Variants in CDH11 observed in about 807,000 individuals in gnomAD.
The protein encoded by CDH11 is cadherin 11, also known as cadherin-11.
A neutral mutation model predicts 67.8 loss-of-function variants in CDH11; 11 were observed. That is an observed-to-expected ratio of 0.16 (90% CI 0.10 to 0.27). The LOEUF is 0.27. Among genes scored for constraint, CDH11 ranks in the 10% least tolerant of loss-of-function variants. The probability of loss-of-function intolerance (pLI) is 1.00; values close to 1 mark genes in which losing one functional copy is unlikely to be tolerated. For missense variants in CDH11, 847 were observed against 1,031.2 expected (o/e 0.82, Z 2.45); for synonymous variants, 419 against 400.0 (o/e 1.05, Z -0.57).
chr16:65,040,268 T>C (rs573209074), intron 2 of CDH11, among the ~76,000 whole-genome samples: 2 of 152,300 alleles, frequency 1.3e-5, no homozygotes, highest in African/African-American at 2.4e-5. Context: ...ATGTTTATTG[T>C]GGCACTATTC....
intron 2 of CDH11, among the ~76,000 whole-genome samples, chr16:65,043,404 C>A (rs929340085): frequency 1.3e-5 from 2 of 152,066 alleles, no homozygotes; most frequent in African/African-American, 4.8e-5. Context: ...GAAGGGGAAT[C>A]AGAAACAAAC....
intron 4 of CDH11, 29 bp from the exon 5 acceptor site, chr16:64,993,063 C>T (rs1401721377): frequency 4.4e-6 from 7 of 1,583,546 alleles, no homozygotes; most frequent in African/African-American, 2.7e-5. Context: ...TAATTAGCAA[C>T]ATCTCCTCAG....
intron 2 of CDH11, among the ~76,000 whole-genome samples, chr16:65,042,731 C>G (rs1354722931): frequency 6.6e-6 from 1 of 152,168 alleles, no homozygotes; most frequent in Admixed American, 6.5e-5. Context: ...AAATCTTGAC[C>G]TGTCTTCCCT....
intron 1 of CDH11, among the ~76,000 whole-genome samples, chr16:65,114,931 T>A (rs569301625): frequency 1.3e-5 from 2 of 152,198 alleles, no homozygotes; most frequent in Admixed American, 6.5e-5. Flanking sequence ...TATTTATGAG[T>A]TAAAACTGTC....
intron 1 of CDH11, among the ~76,000 whole-genome samples, chr16:65,074,243 G>A (rs1324578341): frequency 6.6e-6 from 1 of 152,082 alleles, no homozygotes; most frequent in African/African-American, 2.4e-5. Context: ...CTCCAAAGGG[G>A]ACACATTGCT....
At chr16:65,012,127 C>T (rs2073196192) in intron 2 of CDH11, among the ~76,000 whole-genome samples, 1 of 152,174 alleles carries the variant, frequency 6.6e-6, no homozygotes. Flanking sequence ...ACAGATAGGA[C>T]TATGTACAAG....
chr16:65,060,338 CATAT>C (rs56797143), intron 1 of CDH11, among the ~76,000 whole-genome samples: 27 of 145,014 alleles, frequency 1.9e-4, no homozygotes, highest in Non-Finnish European at 2.5e-4. Context: ...ATAAAATTTG[CATAT>C]ATATATATAT....
At chr16:65,015,585 C>G (rs958509055) in intron 2 of CDH11, among the ~76,000 whole-genome samples, 9 of 152,108 alleles carry the variant, frequency 5.9e-5, no homozygotes, top group African/African-American at 2.2e-4. Flanking sequence ...AACAGTCCCC[C>G]CTTTAAACTA....
intron 3 of CDH11, among the ~76,000 whole-genome samples, chr16:64,999,860 T>C (rs2072875332): frequency 6.6e-6 from 1 of 152,126 alleles, no homozygotes; most frequent in Non-Finnish European, 1.5e-5. Flanking sequence ...TTGTTGTTCG[T>C]TTTAGCAGTC....
intron 11 of CDH11, among the ~76,000 whole-genome samples, chr16:64,955,860 C>T (rs1313614465): frequency 6.6e-6 from 1 of 152,136 alleles, no homozygotes; most frequent in Admixed American, 6.5e-5. Flanking sequence ...CTTTACTAGA[C>T]ACCAATTTTT....
intron 11 of CDH11, among the ~76,000 whole-genome samples, chr16:64,955,280 GAAACA>G (rs2142382809): frequency 6.6e-6 from 1 of 151,996 alleles, no homozygotes; most frequent in East Asian, 1.9e-4. Flanking sequence ...ACAACAAAAA[GAAACA>G]AAACAAATTA....
rs762254495 is a variant in CDH11, at chr16:64,988,265, A to C, written c.891T>G (p.Ile297Met). The C allele has an allele frequency of 1.2e-6, 2 of 1,613,656 alleles. No homozygotes were observed. The change falls in exon 7 of 13, where the codon ATT (isoleucine) becomes ATG (methionine). Residue 297 changes from isoleucine (I) to methionine (M), a missense_variant. By Grantham distance (10) the Ile-to-Met change is conservative. This residue lies in a region of CDH11 where 612 missense variants were observed against 678.7 expected (regional missense o/e 0.90). Transcript: ENST00000268603. ...TGTATGTGACTAAGCCATTTTCTCC[A>C]ATGTCTGGATCTTTAGCTTTCACTC... ...VGRVKAKDPD[I>M]GENGLVTYNI...
At chr16:65,039,914 C>T (rs981372196) in intron 2 of CDH11, among the ~76,000 whole-genome samples, 2 of 152,192 alleles carry the variant, frequency 1.3e-5, no homozygotes, top group Non-Finnish European at 2.9e-5. Context: ...TGAACAGACA[C>T]TTCTCAAAAG....
chr16:64,945,824 C>T lies in CDH11; in HGVS notation c.*1779G>A. 9.5e-7 allele frequency: 1 copy of T among 1,050,166 alleles called. No individual in the cohort carries two copies. The highest frequency in any genetic ancestry group is 1.1e-6 in the Non-Finnish European group (1 of 869,788). The allele number at this position is 1,050,166 out of a possible 1,614,324, so 65.1% of individuals were successfully genotyped here. Reference sequence around the variant, plus strand: ...ACATGATATCAAGAAATGCTTGAAACAAACTTTCACAATAAAGTCAGAAAA... The same window carrying T: ...ACATGATATCAAGAAATGCTTGAAATAAACTTTCACAATAAAGTCAGAAAA... On this transcript the variant is annotated 3_prime_UTR_variant, in exon 13 of 13. Coordinates refer to ENST00000268603, the MANE Select transcript of CDH11 (RefSeq NM_001797.4).
chr16:65,039,141 T>C (rs906203793), intron 2 of CDH11, among the ~76,000 whole-genome samples: 1 of 152,222 alleles, frequency 6.6e-6, no homozygotes, highest in African/African-American at 2.4e-5. Flanking sequence ...CTCTGTAGAA[T>C]GCGCACTTGC....
At chr16:65,104,582 T>C (rs1003622102) in intron 1 of CDH11, among the ~76,000 whole-genome samples, 3 of 152,198 alleles carry the variant, frequency 2.0e-5, no homozygotes, top group Non-Finnish European at 4.4e-5. Flanking sequence ...AATATACACA[T>C]GGACACAACA....
At chr16:64,987,264 C>T (rs1050845730) in intron 7 of CDH11, 20 of 152,242 alleles carry the variant, frequency 1.3e-4, no homozygotes, top group East Asian at 1.2e-3. Flanking sequence ...TCTTTACAAA[C>T]GCTTTCCAGG....
intron 9 of CDH11, 146 bp downstream of exon 9, chr16:64,972,758 A>G: frequency 1.3e-6 from 1 of 746,228 alleles, no homozygotes; most frequent in Non-Finnish European, 2.2e-6. Context: ...TCCTAGAAAG[A>G]TAACCGAAAA....
At chr16:65,083,869 A>G (rs2074651752) in intron 1 of CDH11, among the ~76,000 whole-genome samples, 1 of 152,194 alleles carries the variant, frequency 6.6e-6, no homozygotes, top group Admixed American at 6.5e-5. Flanking sequence ...CCAAGATGCA[A>G]TTTTCAGAAA....
Sources: allele counts gnomAD v4.1 joint callset (sites outside exome capture counted in the v4.1 genomes callset), GRCh38; gene constraint gnomAD v4.1.1; regional missense constraint gnomAD v4.1.1; transcripts MANE v1.5; gene names NCBI Gene and HGNC (gene_info 2026-07-23, HGNC 2026-07-21).